DIP2C: variants seen among roughly 807,000 people sequenced by gnomAD.
The protein encoded by DIP2C is disco-interacting protein 2 homolog C.
In DIP2C, 33 loss-of-function variants were observed where a neutral mutation model predicts 192.4. That is an observed-to-expected ratio of 0.17 (90% CI 0.13 to 0.23). The LOEUF is 0.23. Ranked by LOEUF, DIP2C falls within the 10% of genes least tolerant of loss-of-function variation. DIP2C has a pLI of 1.00. For synonymous variants in DIP2C, 979 were observed against 864.1 expected (o/e 1.13, Z -2.33); for missense variants, 1,537 against 2,110.1 (o/e 0.73, Z 5.32).
chr10:370,305 T>C (rs529109318), intron 17 of DIP2C, among the ~76,000 whole-genome samples: 32 of 152,348 alleles, frequency 2.1e-4, no homozygotes, highest in Non-Finnish European at 4.1e-4. Context: ...TTCACCACGC[T>C]GGGGCCCACC....
At chr10:546,343 GCA>G (rs1018816924) in intron 1 of DIP2C, among the ~76,000 whole-genome samples, 4 of 150,984 alleles carry the variant, frequency 2.6e-5, no homozygotes, top group East Asian at 1.9e-4. Context: ...TTAATAAACA[GCA>G]CAGTCTTAAA....
At chr10:457,064 G>A (rs1193673773) in intron 3 of DIP2C, among the ~76,000 whole-genome samples, 11 of 152,078 alleles carry the variant, frequency 7.2e-5, no homozygotes, top group Admixed American at 3.9e-4. Context: ...CTCCAATTAC[G>A]GCACAATGGT....
chr10:281,287 T>C lies in DIP2C; in HGVS notation c.4331A>G (p.Asp1444Gly), dbSNP rs763127852. Residue 1444 changes from aspartate to glycine, a missense_variant, in exon 36 of 37, where the codon GAC becomes GGC. By Grantham distance (94) the Asp-to-Gly change is moderately conservative. Around this residue, in one of 4 missense-constraint regions of DIP2C, gnomAD observed 341 missense variants for 551.7 expected, o/e 0.62. Transcript: ENST00000280886. ...HDALYVVGALDEAMELRGMRY... is the reference protein window; with the variant it reads ...HDALYVVGALGEAMELRGMRY... ...CATGCCCCGCAGCTCCATGGCTTCGTCCAGTGCCCCTACCACGTAGAGGGC... is the reference window on the plus strand; with the variant it reads ...CATGCCCCGCAGCTCCATGGCTTCGCCCAGTGCCCCTACCACGTAGAGGGC... The C allele has an allele frequency of 6.2e-7, 1 of 1,614,110 alleles. No individual in the cohort carries two copies. Among genetic ancestry groups the C allele is most frequent in the South Asian group, 1.1e-5 (1 of 91,082 alleles).
intron 4 of DIP2C, among the ~76,000 whole-genome samples, chr10:439,552 G>A (rs1451262170): frequency 2.0e-5 from 3 of 152,166 alleles, no homozygotes; most frequent in Non-Finnish European, 2.9e-5. Flanking sequence ...AGGTGGTCAC[G>A]GCTGCAGTGA....
At chr10:594,568 C>T (rs1355725478) in intron 1 of DIP2C, among the ~76,000 whole-genome samples, 2 of 152,012 alleles carry the variant, frequency 1.3e-5, no homozygotes, top group South Asian at 2.1e-4. Flanking sequence ...TGGCTGAGTA[C>T]AAATCATTTT....
intron 1 of DIP2C, among the ~76,000 whole-genome samples, chr10:623,784 G>C (rs968848080): frequency 1.3e-5 from 2 of 151,774 alleles, no homozygotes; most frequent in African/African-American, 4.8e-5. Context: ...GGGCTGAGGG[G>C]AGCAGGGGAG....
chr10:466,747 A>G (rs1324592854), intron 3 of DIP2C, among the ~76,000 whole-genome samples: 1 of 151,734 alleles, frequency 6.6e-6, no homozygotes, highest in African/African-American at 2.4e-5. Flanking sequence ...ACACTTCTCA[A>G]AAGACATTTA....
intron 2 of DIP2C, among the ~76,000 whole-genome samples, chr10:476,206 T>C (rs1476247230): frequency 1.3e-5 from 2 of 152,022 alleles, no homozygotes; most frequent in African/African-American, 2.4e-5. Flanking sequence ...CAAGGTCTCT[T>C]GAGGCAAGAA....
chr10:459,144 T>G (rs565210338), intron 3 of DIP2C, among the ~76,000 whole-genome samples: 12 of 152,154 alleles, frequency 7.9e-5, no homozygotes, highest in Non-Finnish European at 1.6e-4. Flanking sequence ...AAATCAAAAC[T>G]TTTTAAAAAA....
intron 1 of DIP2C, chr10:668,394 C>T (rs184184803): frequency 2.0e-5 from 3 of 152,134 alleles, no homozygotes; most frequent in Non-Finnish European, 4.4e-5. Flanking sequence ...CTCACAAACA[C>T]GTACAGCACA....
At chr10:563,201 C>T (rs1468516401) in intron 1 of DIP2C, among the ~76,000 whole-genome samples, 2 of 152,224 alleles carry the variant, frequency 1.3e-5, no homozygotes, top group African/African-American at 2.4e-5. Context: ...TCCACAGTGC[C>T]CTGCAGGCGG....
rs1245283076 is a variant in DIP2C at position 377,674 on chromosome 10, T to C, written c.1991+4973A>G. On this transcript the variant is annotated intron_variant, in intron 17 of 36. Transcript: ENST00000280886. The stretch of plus-strand genomic sequence containing the variant: ...GGCTCAGGGCTGTGCTGACGTTTTC[T>C]CCGCTGTCACTCATCCAGGCACCAT... 2.0e-5 allele frequency among the ~76,000 whole-genome samples: 3 copies of C among 152,214 alleles called. No individual in the cohort carries two copies. The East Asian group carries it at 5.8e-4, about 29-fold the overall frequency.
chr10:325,041 G>A (rs72653039), intron 31 of DIP2C: 8,077 of 487,218 alleles, frequency 0.017, 162 homozygotes, highest in African/African-American at 0.063. Context: ...AAAGGAAGGC[G>A]GATCATGAGG....
rs1224860398 is a variant in DIP2C at position 652,040 on chromosome 10, T to C, written c.85+37454A>G. The C allele has an allele frequency of 1.3e-5, 2 of 158,824 alleles. No homozygotes were observed. The highest frequency in any genetic ancestry group is 4.8e-5 in the African/African-American group (2 of 41,482). 9.8% of individuals were successfully genotyped at this position (158,824 alleles called of 1,614,324 possible). On this transcript the variant is annotated intron_variant, in intron 1 of 36. Transcript: ENST00000280886. The surrounding 1 kb of genome is among the most constrained non-coding windows in gnomAD (Gnocchi z 4.5). The stretch of plus-strand genomic sequence containing the variant: ...ACTGTATTTTCTCCCTGAGTTTGGT[T>C]GAAAAAATTCACATATAAGTTGACC...
At chr10:672,784 C>T (rs1830712694) in intron 1 of DIP2C, among the ~76,000 whole-genome samples, 1 of 152,146 alleles carries the variant, frequency 6.6e-6, no homozygotes, top group African/African-American at 2.4e-5. Flanking sequence ...CGTCTCTTGA[C>T]CAGAAACATA....
Position 384,534 on chromosome 10 carries a change from G to A in DIP2C, c.1756+12C>T, listed in dbSNP as rs761378170. 28 of 1,612,918 alleles carry A rather than the reference G, an allele frequency of 1.7e-5. No homozygotes were observed. The African/African-American group carries it at 1.7e-4, about 10-fold the overall frequency. The stretch of plus-strand genomic sequence containing the variant: ...ATTACAGGTGTGAGCCACTGCGCCC[G>A]GCGAGACCCACCTTTGTACTGGCAG... On this transcript the variant is annotated intron_variant, in intron 15 of 36. Transcript: ENST00000280886.
intron 3 of DIP2C, among the ~76,000 whole-genome samples, chr10:462,948 C>G (rs959095948): frequency 2.6e-5 from 4 of 152,110 alleles, no homozygotes; most frequent in African/African-American, 9.7e-5. Context: ...CAGAAAAGGC[C>G]TTTGATAAAA....
chr10:380,126 T>C (rs1376522956), intron 17 of DIP2C, among the ~76,000 whole-genome samples: 32 of 114,344 alleles, frequency 2.8e-4, no homozygotes, highest in South Asian at 1.2e-3. Context: ...ATGGTTAACG[T>C]GCAGAAGAGG....
intron 1 of DIP2C, among the ~76,000 whole-genome samples, chr10:633,481 C>T (rs1037783040): frequency 6.6e-6 from 1 of 152,128 alleles, no homozygotes; most frequent in Non-Finnish European, 1.5e-5. Flanking sequence ...GGGGAGAGTT[C>T]GAGCCACAGG....
Sources: gnomAD v4.1 joint callset for allele counts (sites outside exome capture counted in the v4.1 genomes callset) on GRCh38, gnomAD v4.1.1 for gene constraint, gnomAD v4.1.1 regional missense constraint, Gnocchi (gnomAD v3.1) non-coding constraint, MANE v1.5 for transcripts, NCBI Gene and HGNC (gene_info 2026-07-23, HGNC 2026-07-21) for gene names.